The following VWA3B variants were observed in gnomAD, a reference collection of about 807,000 sequenced individuals.
The protein encoded by VWA3B is von Willebrand factor A domain containing 3B.
VWA3B carries 138 observed loss-of-function variants against 158.3 expected under a neutral mutation model. That is an observed-to-expected ratio of 0.87 (90% CI 0.76 to 1.00). The LOEUF is 1.00. Ranked by LOEUF, VWA3B falls within the 50% of genes least tolerant of loss-of-function variation. The probability of loss-of-function intolerance (pLI) is 0.00; values close to 1 mark genes in which losing one functional copy is unlikely to be tolerated. For synonymous variants in VWA3B, 596 were observed against 587.3 expected (o/e 1.01, Z -0.21); for missense variants, 1,555 against 1,565.1 (o/e 0.99, Z 0.11).
chr2:98,090,553 A>G (rs1682205626), intron 1 of VWA3B, among the ~76,000 whole-genome samples: 2 of 152,188 alleles, frequency 1.3e-5, no homozygotes, highest in African/African-American at 4.8e-5. Flanking sequence ...GAATGGGCTT[A>G]TACTGAGTTT....
At chr2:98,114,917 A>G (rs1293941912) in intron 2 of VWA3B, among the ~76,000 whole-genome samples, 1 of 152,338 alleles carries the variant, frequency 6.6e-6, no homozygotes, top group Admixed American at 6.5e-5. Flanking sequence ...CTGAGCATAT[A>G]ATCTGATAAG....
intron 25 of VWA3B, among the ~76,000 whole-genome samples, chr2:98,301,713 C>T (rs1690205326): frequency 6.6e-6 from 1 of 152,080 alleles, no homozygotes; most frequent in Non-Finnish European, 1.5e-5. Context: ...TCTGTTGGAT[C>T]GTTTGTCTTT....
intron 22 of VWA3B, 32 bp downstream of exon 22, chr2:98,270,915 C>CTA (rs1688164490): frequency 6.2e-7 from 1 of 1,603,162 alleles, no homozygotes; most frequent in Non-Finnish European, 8.5e-7. Flanking sequence ...GTCTTTCCTC[C>CTA]CTCTCTGCCT....
At chr2:98,095,559 T>A (rs1211768847) in intron 2 of VWA3B, among the ~76,000 whole-genome samples, 1 of 152,246 alleles carries the variant, frequency 6.6e-6, no homozygotes, top group Non-Finnish European at 1.5e-5. Flanking sequence ...GATTGTGTCA[T>A]CTGCAAATAG....
Position 98,270,865 on chromosome 2 carries a change from A to G in VWA3B, c.3027A>G (p.Ala1009=), listed in dbSNP as rs770782430. Residue 1009 remains alanine (A), a synonymous_variant, in exon 22 of 28, where the codon GCA becomes GCG. Transcript: ENST00000477737. ...ELQEAAKKNY[A]NKAPGEQQKL... Reference sequence around the variant, plus strand: ...AGGAGGCTGCCAAGAAGAATTATGCAAACAAGGCCCCGGGAGAGGTGGGTG... The same window carrying G: ...AGGAGGCTGCCAAGAAGAATTATGCGAACAAGGCCCCGGGAGAGGTGGGTG... 25 of 1,613,868 alleles carry G rather than the reference A, an allele frequency of 1.5e-5. No individual in the cohort carries two copies. The highest frequency in any genetic ancestry group is 2.0e-5 in the Non-Finnish European group (24 of 1,179,930).
intron 14 of VWA3B, among the ~76,000 whole-genome samples, chr2:98,222,042 C>T (rs76508838): frequency 0.047 from 7,167 of 152,222 alleles, 256 homozygotes; most frequent in Middle Eastern, 0.078. Flanking sequence ...CAGCATGAGA[C>T]CAAAGGAGAA....
intron 23 of VWA3B, among the ~76,000 whole-genome samples, chr2:98,292,878 C>T (rs948637836): frequency 2.3e-4 from 35 of 151,940 alleles, no homozygotes; most frequent in African/African-American, 7.7e-4. Flanking sequence ...GCAGGAGAAT[C>T]GCTTGAACCC....
intron 25 of VWA3B, among the ~76,000 whole-genome samples, chr2:98,302,910 T>C (rs1056550316): frequency 9.9e-5 from 15 of 152,168 alleles, no homozygotes; most frequent in African/African-American, 3.6e-4. Flanking sequence ...TGGAGCACTG[T>C]ATCCAACCCA....
chr2:98,256,987 G>A (rs1687194080), intron 21 of VWA3B, among the ~76,000 whole-genome samples: 1 of 152,044 alleles, frequency 6.6e-6, no homozygotes, highest in Non-Finnish European at 1.5e-5. Flanking sequence ...GAAATATACA[G>A]TAAATTATTG....
At chr2:98,095,011 G>A (rs1297157654) in intron 2 of VWA3B, among the ~76,000 whole-genome samples, 1 of 152,124 alleles carries the variant, frequency 6.6e-6, no homozygotes, top group East Asian at 1.9e-4. Context: ...GTATCATGCT[G>A]TTTTGATTAC....
intron 21 of VWA3B, among the ~76,000 whole-genome samples, chr2:98,268,739 T>C (rs1424730178): frequency 6.6e-6 from 1 of 152,006 alleles, no homozygotes; most frequent in Non-Finnish European, 1.5e-5. Flanking sequence ...CAAGAATTGC[T>C]TAAATTCTGA....
At chr2:98,130,274 CA>C (rs1675755801) in intron 6 of VWA3B, among the ~76,000 whole-genome samples, 2 of 152,304 alleles carry the variant, frequency 1.3e-5, no homozygotes, top group South Asian at 4.1e-4. Flanking sequence ...TCCCCTATCT[CA>C]GTAGATGGAA....
At chr2:98,158,835 G>A (rs4851839) in intron 7 of VWA3B, among the ~76,000 whole-genome samples, 50,365 of 151,872 alleles carry the variant, frequency 0.33, 10,491 homozygotes, top group East Asian at 0.64. Context: ...GGTTCATGGT[G>A]CAGAGTGTTA....
intron 14 of VWA3B, among the ~76,000 whole-genome samples, chr2:98,221,580 G>A (rs987375675): frequency 8.5e-5 from 13 of 152,210 alleles, no homozygotes; most frequent in African/African-American, 2.9e-4. Flanking sequence ...GAAGCAGGCA[G>A]CAATGCTCTG....
intron 2 of VWA3B, among the ~76,000 whole-genome samples, chr2:98,101,971 T>A (rs1683107290): frequency 6.6e-6 from 1 of 152,162 alleles, no homozygotes; most frequent in African/African-American, 2.4e-5. Context: ...GGTCAGCAGA[T>A]AAACACGTGA....
intron 2 of VWA3B, among the ~76,000 whole-genome samples, chr2:98,110,382 A>C (rs1436969278): frequency 6.6e-6 from 1 of 151,754 alleles, no homozygotes; most frequent in Non-Finnish European, 1.5e-5. Context: ...CTATTTCTTT[A>C]CTGAGACTTC....
intron 20 of VWA3B, among the ~76,000 whole-genome samples, chr2:98,253,603 G>C (rs1686937492): frequency 6.6e-6 from 1 of 152,132 alleles, no homozygotes; most frequent in African/African-American, 2.4e-5. Flanking sequence ...GTTCTAGCCT[G>C]GCTTGGGGAC....
chr2:98,138,782 A>G lies in VWA3B; in HGVS notation c.988+4843A>G, dbSNP rs186251623. Among the ~76,000 whole-genome samples the G allele has an allele frequency of 2.8e-3, 433 of 152,330 alleles. 2 individuals carry two copies. The Middle Eastern group carries it at 0.054, about 19-fold the overall frequency. Reference sequence around the variant, plus strand: ...AAAAGCTGAGTGCCTGAACCTGGGTACGTGGCGGTTGTCTCAGCTTTTACT... The same window carrying G: ...AAAAGCTGAGTGCCTGAACCTGGGTGCGTGGCGGTTGTCTCAGCTTTTACT... On this transcript the variant is annotated intron_variant, in intron 7 of 27. Coordinates refer to ENST00000477737, the MANE Select transcript of VWA3B (RefSeq NM_144992.5).
Position 98,312,031 on chromosome 2 carries a change from G to A in VWA3B, c.3734G>A (p.Arg1245Lys), listed in dbSNP as rs7587534. 1,530,018 of 1,594,764 alleles carry A rather than the reference G, an allele frequency of 0.96. 734,199 individuals carry two copies. The highest frequency in any genetic ancestry group is 1 in the East Asian group (43,939 of 43,942). The change falls in exon 27 of 28, where the codon AGG (arginine) becomes AAG (lysine). Residue 1245 changes from arginine (R) to lysine (K), a missense_variant and splice_region_variant. Arg to Lys is a conservative substitution (Grantham distance 26). Transcript: ENST00000477737. ...GSCQGTHPEPRTAHLHFPAAG... is the reference protein window; with the variant it reads ...GSCQGTHPEPKTAHLHFPAAG... Reference sequence around the variant, plus strand: ...TGCCAGGGGACACACCCCGAGCCCAGGGTTTGGGTGATGGGGGGGGAACAC... The same window carrying A: ...TGCCAGGGGACACACCCCGAGCCCAAGGTTTGGGTGATGGGGGGGGAACAC...
Sources: gnomAD v4.1 joint callset for allele counts (sites outside exome capture counted in the v4.1 genomes callset) on GRCh38, gnomAD v4.1.1 for gene constraint, MANE v1.5 for transcripts, NCBI Gene and HGNC (gene_info 2026-07-23, HGNC 2026-07-21) for gene names.